SPATA4: variants seen among roughly 807,000 people sequenced by gnomAD.
SPATA4 encodes the protein spermatogenesis-associated protein 4.
In SPATA4, 35 loss-of-function variants were observed where a neutral mutation model predicts 31.8. The observed-to-expected ratio is 1.10, with a 90% CI of 0.84 to 1.46. The LOEUF is 1.46. Ranked by LOEUF, SPATA4 falls within the 40% of genes most tolerant of loss-of-function variation. The probability of loss-of-function intolerance (pLI) is 0.00; values close to 1 mark genes in which losing one functional copy is unlikely to be tolerated. For synonymous variants in SPATA4, 126 were observed against 132.4 expected, an observed-to-expected ratio of 0.95 and a Z score of 0.33; for missense variants, 394 against 363.1, an observed-to-expected ratio of 1.09 and a Z score of -0.69.
chr4:176,189,208 G>A (rs546042422), intron 4 of SPATA4, among the ~76,000 whole-genome samples: 56 of 152,252 alleles, frequency 3.7e-4, no homozygotes, highest in South Asian at 8.3e-4. Context: ...GCTAGACAAC[G>A]AACTGAAAGG....
chr4:176,187,386 C>T (rs1380363107), intron 5 of SPATA4, among the ~76,000 whole-genome samples: 1 of 151,932 alleles, frequency 6.6e-6, no homozygotes, highest in Non-Finnish European at 1.5e-5. Flanking sequence ...GGGTGGACTG[C>T]CTGAGCTCAG....
intron 2 of SPATA4, 37 bp from the exon 3 acceptor site, chr4:176,193,113 A>C (rs767055003): frequency 7.6e-7 from 1 of 1,318,440 alleles, no homozygotes; most frequent in South Asian, 1.3e-5. Flanking sequence ...TATCATAAGA[A>C]CTTTTATAAA....
chr4:176,185,662 C>T (rs1230662019), intron 5 of SPATA4, among the ~76,000 whole-genome samples: 6 of 152,136 alleles, frequency 3.9e-5, no homozygotes, highest in Non-Finnish European at 7.4e-5. Context: ...TTATCAGAAA[C>T]TGAAATGAAG....
Position 176,192,628 on chromosome 4 carries a change from T to C in SPATA4, c.687A>G (p.Pro229=), listed in dbSNP as rs12502935. 0.31 allele frequency: 498,324 copies of C among 1,612,450 alleles called. 79,611 individuals are homozygous for C. The highest frequency in any genetic ancestry group is 0.58 in the East Asian group (25,963 of 44,840). Residue 229 remains proline, a splice_region_variant and synonymous_variant, in exon 4 of 6, where the codon CCA becomes CCG. Coordinates refer to ENST00000280191, the MANE Select transcript of SPATA4 (RefSeq NM_144644.4). ...CAGCTGTTTCAAAGGAAAACTTACC[T>C]GGATTCAATTTTCTGCCTAATTTTC... ...LQRKLGRKLN[P]EWFDVKPTVG...
intron 5 of SPATA4, among the ~76,000 whole-genome samples, chr4:176,185,636 T>TA (rs1311591695): frequency 1.3e-5 from 2 of 152,196 alleles, no homozygotes; most frequent in African/African-American, 4.8e-5. Context: ...AGACCTGAAC[T>TA]ATTTACTCTA....
rs1054506456 is a variant in SPATA4 at position 176,195,526 on chromosome 4, G to A, written c.37C>T (p.Gln13Ter). Residue 13 changes from glutamine (Q) to a stop codon, truncating the protein, a stop_gained, in exon 1 of 6, where the codon CAG becomes TAG. Transcript: ENST00000280191. LOFTEE classifies it high-confidence loss of function. ...AAGQEKGYLT[Q>*]TAAALDKSPS... ...GACTTGTCTAGGGCTGCCGCAGTCT[G>A]TGTCAAATACCCTTTTTCCTGGCCG... 1 of 1,614,240 alleles carries A rather than the reference G, an allele frequency of 6.2e-7. No individual in the cohort carries two copies.
intron 5 of SPATA4, among the ~76,000 whole-genome samples, 180 bp from the exon 6 acceptor site, chr4:176,185,072 A>T (rs190222898): frequency 1.0e-3 from 155 of 152,276 alleles, no homozygotes; most frequent in African/African-American, 3.1e-3. Context: ...CTCATGGATT[A>T]AAAAAAGTCT....
chr4:176,185,566 G>A (rs567317721), intron 5 of SPATA4, among the ~76,000 whole-genome samples: 13 of 152,124 alleles, frequency 8.5e-5, no homozygotes, highest in African/African-American at 2.2e-4. Flanking sequence ...ACAGAGTTAC[G>A]TTCCTACAGT....
chr4:176,193,119 A>C, intron 2 of SPATA4, 43 bp from the exon 3 acceptor site: 1 of 1,273,898 alleles, frequency 7.8e-7, no homozygotes, highest in South Asian at 1.3e-5. Flanking sequence ...AAGAACTTTT[A>C]TAAAAATCTC....
At chr4:176,192,894 T>C (rs576119206) in intron 3 of SPATA4, 47 bp from the exon 4 acceptor site, 3 of 1,593,908 alleles carry the variant, frequency 1.9e-6, no homozygotes, top group African/African-American at 2.7e-5. Context: ...ATTTTAGCAA[T>C]GAGTTTTATA....
At position 176,184,900 on chromosome 4, in the gene SPATA4, A is replaced by T. The variant is rs372324492; in HGVS notation, c.806-8T>A. 540 of 1,538,120 alleles carry T rather than the reference A, an allele frequency of 3.5e-4. No individual in the cohort carries two copies. The highest frequency in any genetic ancestry group is 4.2e-4 in the Non-Finnish European group (478 of 1,130,388). On this transcript the variant is annotated splice_region_variant and splice_polypyrimidine_tract_variant and intron_variant, in intron 5 of 5. Coordinates refer to ENST00000280191, the MANE Select transcript of SPATA4 (RefSeq NM_144644.4). ...CACCACTACCTATATTTGCTGGGAC[A>T]TTTAAATAAGCAAAATTAAAATCAA...
At chr4:176,187,375 A>C (rs567073992) in intron 5 of SPATA4, among the ~76,000 whole-genome samples, 20 of 151,870 alleles carry the variant, frequency 1.3e-4, no homozygotes, top group African/African-American at 4.1e-4. Flanking sequence ...GAGGCCGAGG[A>C]GGGTGGACTG....
intron 1 of SPATA4, 58 bp downstream of exon 1, chr4:176,195,287 C>A (rs1232827909): frequency 1.1e-5 from 17 of 1,572,458 alleles, no homozygotes; most frequent in South Asian, 2.2e-5. Context: ...GCCTGGCAGG[C>A]GGCGGAAAGC....
intron 5 of SPATA4, among the ~76,000 whole-genome samples, chr4:176,187,275 G>A (rs1442982602): frequency 6.6e-6 from 1 of 152,146 alleles, no homozygotes. Flanking sequence ...TTATGAGCAC[G>A]GGAACTTGAA....
Position 176,192,709 on chromosome 4 carries a change from G to A in SPATA4, c.606C>T (p.Asn202=), listed in dbSNP as rs776378699. 3 of 1,614,112 alleles carry A rather than the reference G, an allele frequency of 1.9e-6. No individual in the cohort carries two copies. Among genetic ancestry groups the A allele is most frequent in the Non-Finnish European group, 2.5e-6 (3 of 1,179,990 alleles). Residue 202 remains asparagine (N), a synonymous_variant, in exon 4 of 6, where the codon AAC becomes AAT. Coordinates refer to ENST00000280191, the MANE Select transcript of SPATA4 (RefSeq NM_144644.4). ...CCGCTTTAAGTTCATTGGTCAGCAT[G>A]TTGGGATTGCTTAGTAATTCTGATA... ...IRLSELLSNP[N]MLTNELKAEF...
intron 4 of SPATA4, among the ~76,000 whole-genome samples, chr4:176,189,207 C>T (rs1374934892): frequency 6.6e-6 from 1 of 152,086 alleles, no homozygotes; most frequent in African/African-American, 2.4e-5. Context: ...TGCTAGACAA[C>T]GAACTGAAAG....
intron 4 of SPATA4, among the ~76,000 whole-genome samples, chr4:176,189,896 CCT>C (rs1052846231): frequency 1.3e-5 from 2 of 152,126 alleles, no homozygotes; most frequent in South Asian, 2.1e-4. Flanking sequence ...CAGCAAGACC[CCT>C]GTCTCAAGAG....
Position 176,184,813 on chromosome 4 carries a change from CAT to C in SPATA4, c.883_884del (p.Met295GlufsTer22). ...TCTTGTCCATGTTTCTGATAGGTTT[CAT>C]AGCAGAGTAATAAGAATGTTGTCCA... The part of the protein sequence containing the change: ...QAGQHSYYSA[M>X]KPIRNMDKKP On this transcript the variant is annotated frameshift_variant, in exon 6 of 6. Coordinates refer to ENST00000280191, the MANE Select transcript of SPATA4 (RefSeq NM_144644.4). LOFTEE classifies it low-confidence loss of function (END_TRUNC). 1.2e-6 allele frequency: 2 copies of C among 1,600,144 alleles called. No homozygotes were observed. The highest frequency in any genetic ancestry group is 1.7e-6 in the Non-Finnish European group (2 of 1,173,544).
intron 4 of SPATA4, among the ~76,000 whole-genome samples, chr4:176,188,502 T>C (rs1752479852): frequency 6.6e-6 from 1 of 152,120 alleles, no homozygotes; most frequent in South Asian, 2.1e-4. Flanking sequence ...TACAAAAAGG[T>C]AAACAAACAG....
Sources: allele counts gnomAD v4.1 joint callset (sites outside exome capture counted in the v4.1 genomes callset), GRCh38; gene constraint gnomAD v4.1.1; transcripts MANE v1.5; gene names NCBI Gene and HGNC (gene_info 2026-07-23, HGNC 2026-07-21).